The following DSCAM variants were observed in gnomAD, a reference collection of about 807,000 sequenced individuals.
DSCAM encodes cell adhesion molecule DSCAM.
In DSCAM, 47 loss-of-function variants were observed where a neutral mutation model predicts 217.7. That is an observed-to-expected ratio of 0.22 (90% CI 0.17 to 0.28). The LOEUF is 0.28. Among genes scored for constraint, DSCAM ranks in the 10% least tolerant of loss-of-function variants. The pLI, the probability that DSCAM is intolerant of heterozygous loss-of-function variation, is 1.00. For synonymous variants in DSCAM, 1,056 were observed against 1,015.3 expected (o/e 1.04, Z -0.76); for missense variants, 2,080 against 2,618.3 (o/e 0.79, Z 4.49).
chr21:40,552,086 T>C (rs2076634624), intron 3 of DSCAM, among the ~76,000 whole-genome samples: 1 of 151,962 alleles, frequency 6.6e-6, no homozygotes, highest in African/African-American at 2.4e-5. Flanking sequence ...GAGGCCGAGG[T>C]GGGCGGATCA....
intron 11 of DSCAM, among the ~76,000 whole-genome samples, chr21:40,214,408 C>T (rs1328623002): frequency 1.3e-5 from 2 of 152,096 alleles, no homozygotes; most frequent in Non-Finnish European, 2.9e-5. Context: ...ATAATATTTA[C>T]ATTGGGTTTT....
At chr21:40,676,525 C>T (rs780255971) in intron 3 of DSCAM, among the ~76,000 whole-genome samples, 4 of 151,906 alleles carry the variant, frequency 2.6e-5, no homozygotes, top group Non-Finnish European at 4.4e-5. Flanking sequence ...CTTCGATTGC[C>T]GTATTGTTCT....
intron 3 of DSCAM, among the ~76,000 whole-genome samples, chr21:40,495,071 G>A (rs1361496831): frequency 1.3e-5 from 2 of 152,054 alleles, no homozygotes; most frequent in Admixed American, 6.6e-5. Context: ...TCAGAGATGA[G>A]TAACAAGATT....
chr21:40,841,957 G>A (rs957461390), intron 1 of DSCAM, among the ~76,000 whole-genome samples: 2 of 152,214 alleles, frequency 1.3e-5, no homozygotes, highest in African/African-American at 4.8e-5. Context: ...CCCGGTTCCT[G>A]TTAGACGAAC....
At chr21:40,727,283 T>C (rs1334671511) in intron 1 of DSCAM, among the ~76,000 whole-genome samples, 1 of 152,190 alleles carries the variant, frequency 6.6e-6, no homozygotes, top group Non-Finnish European at 1.5e-5. Context: ...AATTTCCTTG[T>C]CCACTTAGCT....
intron 18 of DSCAM, among the ~76,000 whole-genome samples, chr21:40,139,917 G>A (rs577333680): frequency 1.3e-5 from 2 of 150,514 alleles, no homozygotes; most frequent in South Asian, 2.1e-4. Flanking sequence ...TGTGTGGTGA[G>A]TGTGGGATAT....
At chr21:40,776,396 C>T (rs1159871792) in intron 1 of DSCAM, among the ~76,000 whole-genome samples, 2 of 152,088 alleles carry the variant, frequency 1.3e-5, no homozygotes, top group Admixed American at 1.3e-4. Flanking sequence ...GCGGATGAGA[C>T]AGATTTAATC....
intron 10 of DSCAM, among the ~76,000 whole-genome samples, chr21:40,280,296 C>T (rs774313396): frequency 1.3e-5 from 2 of 151,642 alleles, no homozygotes; most frequent in Non-Finnish European, 2.9e-5. Context: ...ATCCTCCCCC[C>T]TCAGCCTCCC....
intron 1 of DSCAM, among the ~76,000 whole-genome samples, chr21:40,793,622 C>A (rs2091666034): frequency 6.6e-6 from 1 of 151,998 alleles, no homozygotes; most frequent in African/African-American, 2.4e-5. Context: ...TCCCGGGTAG[C>A]TGGGACTACA....
intron 1 of DSCAM, among the ~76,000 whole-genome samples, chr21:40,745,333 A>G (rs1260284490): frequency 6.6e-6 from 1 of 152,200 alleles, no homozygotes; most frequent in Admixed American, 6.5e-5. Context: ...ATTCAACCCA[A>G]AGAGAAATTA....
intron 3 of DSCAM, among the ~76,000 whole-genome samples, chr21:40,516,783 C>A (rs1444560856): frequency 6.6e-6 from 1 of 151,700 alleles, no homozygotes; most frequent in Admixed American, 6.6e-5. Context: ...ATTTGATGGG[C>A]TTTTTCTGAT....
chr21:40,394,003 T>A (rs2075156710), intron 3 of DSCAM, among the ~76,000 whole-genome samples: 1 of 152,260 alleles, frequency 6.6e-6, no homozygotes, highest in Non-Finnish European at 1.5e-5. Flanking sequence ...TTTCTAATTA[T>A]TTCTTTAATA....
intron 11 of DSCAM, among the ~76,000 whole-genome samples, chr21:40,268,112 C>T (rs759773934): frequency 7.9e-5 from 12 of 152,190 alleles, no homozygotes; most frequent in African/African-American, 2.2e-4. Context: ...TTCTCCAAGA[C>T]GTATGCACAC....
At chr21:40,448,003 T>C (rs1352683866) in intron 3 of DSCAM, among the ~76,000 whole-genome samples, 3 of 152,228 alleles carry the variant, frequency 2.0e-5, no homozygotes, top group African/African-American at 7.2e-5. Flanking sequence ...AAATTAAGCA[T>C]TTCTTGTACA....
chr21:40,207,119 GA>G (rs570879730), intron 11 of DSCAM, among the ~76,000 whole-genome samples: 4 of 150,282 alleles, frequency 2.7e-5, no homozygotes, highest in Non-Finnish European at 3.0e-5. Flanking sequence ...AAGTCAAACC[GA>G]AAAAAAATTG....
chr21:40,442,816 A>G (rs2075643530), intron 3 of DSCAM, among the ~76,000 whole-genome samples: 1 of 152,026 alleles, frequency 6.6e-6, no homozygotes. Flanking sequence ...GGCCGAGTTA[A>G]TTTTTTATTA....
intron 3 of DSCAM, among the ~76,000 whole-genome samples, chr21:40,679,715 C>T (rs966209617): frequency 2.0e-5 from 3 of 152,058 alleles, no homozygotes; most frequent in Admixed American, 6.6e-5. Flanking sequence ...CATACTTTTG[C>T]TATTTAAGAA....
chr21:40,506,291 G>C (rs2146046695), intron 3 of DSCAM, among the ~76,000 whole-genome samples: 1 of 152,288 alleles, frequency 6.6e-6, no homozygotes, highest in Admixed American at 6.5e-5. Context: ...GAATATTCTA[G>C]CAAATAAAAT....
intron 3 of DSCAM, among the ~76,000 whole-genome samples, chr21:40,487,328 AGAG>A (rs2076039066): frequency 1.8e-5 from 1 of 54,738 alleles, no homozygotes; most frequent in African/African-American, 1.5e-4. Context: ...TGTGTGTGTG[AGAG>A]AGAGAGAGAG....
Sources: gnomAD v4.1 joint callset for allele counts (sites outside exome capture counted in the v4.1 genomes callset) on GRCh38, gnomAD v4.1.1 for gene constraint, MANE v1.5 for transcripts, NCBI Gene and HGNC (gene_info 2026-07-23, HGNC 2026-07-21) for gene names.